Variants in RBFOX1 observed in about 807,000 individuals in gnomAD.
RBFOX1 encodes the protein RNA binding protein fox-1 homolog 1.
In RBFOX1, 8 loss-of-function variants were observed where a neutral mutation model predicts 57.7. The ratio of observed to expected loss-of-function variants is 0.14; its 90% CI spans 0.08 to 0.25. The LOEUF (loss-of-function observed/expected upper bound fraction) is 0.25. RBFOX1 is among the 10% of genes least tolerant of loss of function. The probability of loss-of-function intolerance (pLI) is 1.00; values close to 1 mark genes in which losing one functional copy is unlikely to be tolerated. For synonymous variants in RBFOX1, 326 were observed against 222.4 expected, an observed-to-expected ratio of 1.47 and a Z score of -4.15; for missense variants, 611 against 548.5, an observed-to-expected ratio of 1.11 and a Z score of -1.14.
chr16:6,615,777 G>C (rs537833177), intron 2 of RBFOX1, among the ~76,000 whole-genome samples: 9 of 152,240 alleles, frequency 5.9e-5, no homozygotes, highest in African/African-American at 1.9e-4. Flanking sequence ...CACGTGAGAA[G>C]TCAGCTCTGC....
At position 5,759,788 on chromosome 16, in the gene RBFOX1, C is replaced by T. The variant is rs544325324; in HGVS notation, c.319-107515C>T. ...CCTGATCCTGTAACAGTATTCCTCT[C>T]TGGGATTTTTTTTTCTTGGCATGGC... On this transcript the variant is annotated intron_variant, in intron 3 of 19. Coordinates refer to the RBFOX1 transcript ENST00000641259. Among the ~76,000 whole-genome samples the T allele has an allele frequency of 3.9e-5, 5 of 126,952 alleles. No individual in the cohort carries two copies. The East Asian group carries it at 1.6e-3, about 40-fold the overall frequency. 83.3% of individuals were successfully genotyped at this position (126,952 alleles called of 152,430 possible). A position where few individuals can be genotyped will look rare whatever the true frequency, so the allele number is the denominator to read the frequency against.
intron 3 of RBFOX1, among the ~76,000 whole-genome samples, chr16:6,676,139 C>CGT (rs1491569147): frequency 0.011 from 182 of 17,286 alleles, 1 homozygote; most frequent in African/African-American, 0.028. Flanking sequence ...CACACACACA[C>CGT]GCGCACACAC....
intron 3 of RBFOX1, among the ~76,000 whole-genome samples, chr16:5,827,291 T>A (rs925288286): frequency 6.7e-6 from 1 of 148,870 alleles, no homozygotes; most frequent in Non-Finnish European, 1.5e-5. Context: ...TCCCAGCTAC[T>A]AGGGAGGCTG....
chr16:5,422,209 TGGA>T (rs1276419605), intron 1 of RBFOX1, among the ~76,000 whole-genome samples: 2 of 126,446 alleles, frequency 1.6e-5, no homozygotes, highest in Non-Finnish European at 3.4e-5. Context: ...AGGAGAAAGG[TGGA>T]GGAGAGAGGA....
At chr16:7,029,796 A>G (rs1420455030) in intron 3 of RBFOX1, among the ~76,000 whole-genome samples, 2 of 152,186 alleles carry the variant, frequency 1.3e-5, no homozygotes, top group Non-Finnish European at 2.9e-5. Flanking sequence ...TCTTCACATG[A>G]ATCTGGACAT....
intron 2 of RBFOX1, among the ~76,000 whole-genome samples, chr16:6,572,723 G>A (rs1299173774): frequency 6.6e-6 from 1 of 152,018 alleles, no homozygotes; most frequent in Non-Finnish European, 1.5e-5. Context: ...CTCCCGAGTA[G>A]CTAGAATTAC....
chr16:6,991,528 G>A (rs756506278), intron 3 of RBFOX1, among the ~76,000 whole-genome samples: 39 of 152,046 alleles, frequency 2.6e-4, no homozygotes, highest in Non-Finnish European at 4.4e-4. Flanking sequence ...CTTCTCAAAT[G>A]TTTTTTCTTT....
intron 4 of RBFOX1, among the ~76,000 whole-genome samples, chr16:7,425,053 A>T (rs1054107889): frequency 2.0e-5 from 3 of 152,218 alleles, no homozygotes; most frequent in African/African-American, 7.2e-5. Flanking sequence ...TGTAAATCTC[A>T]GTGTGTTGTC....
At chr16:7,269,220 CTT>C (rs2095257251) in intron 4 of RBFOX1, among the ~76,000 whole-genome samples, 1 of 152,068 alleles carries the variant, frequency 6.6e-6, no homozygotes, top group African/African-American at 2.4e-5. Flanking sequence ...TCCACATTTT[CTT>C]TTTCTCTTCT....
At chr16:6,182,028 C>G (rs1291107549) in intron 1 of RBFOX1, among the ~76,000 whole-genome samples, 2 of 152,116 alleles carry the variant, frequency 1.3e-5, no homozygotes, top group African/African-American at 2.4e-5. Flanking sequence ...GTCACATGGT[C>G]CCACTAAAAT....
At chr16:6,813,267 C>A (rs1280878137) in intron 3 of RBFOX1, among the ~76,000 whole-genome samples, 1 of 152,160 alleles carries the variant, frequency 6.6e-6, no homozygotes, top group African/African-American at 2.4e-5. Flanking sequence ...CCAGTTCTTT[C>A]TGGCAGTCCT....
At chr16:5,587,123 A>G (rs976321571) in intron 2 of RBFOX1, among the ~76,000 whole-genome samples, 1 of 152,198 alleles carries the variant, frequency 6.6e-6, no homozygotes, top group East Asian at 1.9e-4. Flanking sequence ...CATGACCAAG[A>G]TGCTTTAGGA....
intron 1 of RBFOX1, among the ~76,000 whole-genome samples, chr16:6,083,177 A>G (rs938421677): frequency 4.6e-5 from 7 of 151,772 alleles, no homozygotes; most frequent in Non-Finnish European, 7.4e-5. Flanking sequence ...AAGTTTTTGT[A>G]TTTTTAGTGG....
At chr16:6,910,275 G>T (rs990670349) in intron 3 of RBFOX1, among the ~76,000 whole-genome samples, 1 of 152,092 alleles carries the variant, frequency 6.6e-6, no homozygotes, top group African/African-American at 2.4e-5. Context: ...CATACTTCCA[G>T]AATCGTGTAG....
chr16:7,569,526 G>A (rs4787047), intron 5 of RBFOX1, among the ~76,000 whole-genome samples: 13,366 of 152,220 alleles, frequency 0.088, 1,387 homozygotes, highest in African/African-American at 0.25. Context: ...ATTATACAGG[G>A]CCCACACAGG....
At chr16:5,833,789 C>T (rs1180062418) in intron 3 of RBFOX1, among the ~76,000 whole-genome samples, 1 of 152,140 alleles carries the variant, frequency 6.6e-6, no homozygotes, top group Admixed American at 6.5e-5. Flanking sequence ...TTAGTTAGCC[C>T]TTTCTTTAGC....
At chr16:6,438,925 G>A (rs1175130099) in intron 2 of RBFOX1, among the ~76,000 whole-genome samples, 1 of 152,096 alleles carries the variant, frequency 6.6e-6, no homozygotes, top group Non-Finnish European at 1.5e-5. Flanking sequence ...CTCATAATAT[G>A]GACAGTTGAT....
Position 6,573,267 on chromosome 16 carries a change from A to C in RBFOX1, c.-63-81336A>C, listed in dbSNP as rs77823249. The stretch of plus-strand genomic sequence containing the variant: ...TGGTGGGTTTGCCGTGACTGCCACA[A>C]ACACGCCTCACCGAAGTCTGCCAGG... On this transcript the variant is annotated intron_variant, in intron 2 of 15. Coordinates refer to ENST00000550418, the MANE Select transcript of RBFOX1 (RefSeq NM_018723.4). Among the ~76,000 whole-genome samples the C allele has an allele frequency of 9.9e-3, 1,510 of 152,170 alleles. 27 individuals carry two copies. Among genetic ancestry groups the C allele is most frequent in the African/African-American group, 0.031 (1,291 of 41,512 alleles).
chr16:6,893,848 G>A (rs1029304232), intron 3 of RBFOX1, among the ~76,000 whole-genome samples: 1 of 152,148 alleles, frequency 6.6e-6, no homozygotes, highest in Admixed American at 6.5e-5. Flanking sequence ...CAGGGCCAAT[G>A]GAATGAATTG....
Sources: gnomAD v4.1 joint callset for allele counts (sites outside exome capture counted in the v4.1 genomes callset) on GRCh38, gnomAD v4.1.1 for gene constraint, MANE v1.5 for transcripts, NCBI Gene and HGNC (gene_info 2026-07-23, HGNC 2026-07-21) for gene names.